MIPEP: variants seen among roughly 807,000 people sequenced by gnomAD.
The protein encoded by MIPEP is mitochondrial intermediate peptidase.
MIPEP carries 79 observed loss-of-function variants against 90.3 expected under a neutral mutation model. The ratio of observed to expected loss-of-function variants is 0.87; its 90% CI spans 0.73 to 1.05. The LOEUF (loss-of-function observed/expected upper bound fraction) is 1.05, where lower values mean the gene tolerates loss of function less well. Ranked by LOEUF, MIPEP falls within the 50% of genes least tolerant of loss-of-function variation. MIPEP has a pLI of 0.00. For synonymous variants in MIPEP, 334 were observed against 315.8 expected, an observed-to-expected ratio of 1.06 and a Z score of -0.61; for missense variants, 940 against 905.6, an observed-to-expected ratio of 1.04 and a Z score of -0.49.
chr13:23,849,900 C>T (rs9670422), intron 10 of MIPEP, among the ~76,000 whole-genome samples: 11,940 of 152,228 alleles, frequency 0.078, 1,540 homozygotes, highest in African/African-American at 0.27. Context: ...TTGGATATTA[C>T]GTCCAAACAC....
At chr13:23,879,631 C>G (rs544255621) in intron 3 of MIPEP, among the ~76,000 whole-genome samples, 41 of 152,106 alleles carry the variant, frequency 2.7e-4, no homozygotes, top group African/African-American at 8.9e-4. Flanking sequence ...CTTCTGGGCT[C>G]AAGTGATCCT....
intron 14 of MIPEP, among the ~76,000 whole-genome samples, chr13:23,821,933 A>C (rs970551748): frequency 1.3e-5 from 2 of 152,214 alleles, no homozygotes; most frequent in Non-Finnish European, 2.9e-5. Context: ...GTGGACACAG[A>C]AGGGCCAAAT....
chr13:23,834,764 A>G (rs911395228), intron 14 of MIPEP, among the ~76,000 whole-genome samples: 6 of 152,088 alleles, frequency 3.9e-5, no homozygotes, highest in Non-Finnish European at 7.4e-5. Context: ...ACAGGGCTCT[A>G]AGCACCTCAG....
chr13:23,873,252 C>G (rs529447005), intron 5 of MIPEP, among the ~76,000 whole-genome samples: 1 of 152,200 alleles, frequency 6.6e-6, no homozygotes, highest in African/African-American at 2.4e-5. Context: ...GGCTGACAGC[C>G]GGAGCACAGC....
chr13:23,863,291 T>C (rs1870390777), intron 8 of MIPEP, among the ~76,000 whole-genome samples: 2 of 152,150 alleles, frequency 1.3e-5, no homozygotes, highest in Admixed American at 6.5e-5. Flanking sequence ...GAAGGGCAAG[T>C]GTATGATCGA....
intron 10 of MIPEP, among the ~76,000 whole-genome samples, chr13:23,843,826 T>G (rs1015809558): frequency 6.6e-6 from 1 of 152,114 alleles, no homozygotes; most frequent in Non-Finnish European, 1.5e-5. Context: ...GTGTGAGTGA[T>G]TGGATTTGGA....
intron 10 of MIPEP, chr13:23,842,313 CATAAA>C (rs1170249821): frequency 6.6e-6 from 1 of 151,864 alleles, no homozygotes; most frequent in East Asian, 1.9e-4. Context: ...CACTTCGTTC[CATAAA>C]ATGAGTCCCC....
intron 12 of MIPEP, 94 bp downstream of exon 12, chr13:23,839,555 T>C (rs1869204416): frequency 1.4e-6 from 1 of 740,482 alleles, no homozygotes; most frequent in Admixed American, 3.0e-5. Flanking sequence ...AACTTTTAAA[T>C]GTCATGGAAT....
intron 14 of MIPEP, among the ~76,000 whole-genome samples, chr13:23,829,250 C>T (rs918670399): frequency 6.6e-6 from 1 of 152,060 alleles, no homozygotes; most frequent in African/African-American, 2.4e-5. Flanking sequence ...TATGGTGGCT[C>T]ACGCCTGTAA....
chr13:23,792,955 A>T (rs1952914665), intron 16 of MIPEP, among the ~76,000 whole-genome samples: 1 of 152,230 alleles, frequency 6.6e-6, no homozygotes, highest in Non-Finnish European at 1.5e-5. Context: ...GATTGATTAC[A>T]TCCTTTTAAT....
chr13:23,840,594 G>T (rs145043584), intron 11 of MIPEP, among the ~76,000 whole-genome samples: 2 of 152,138 alleles, frequency 1.3e-5, no homozygotes, highest in East Asian at 1.9e-4. Flanking sequence ...AGTGATGAAC[G>T]TCCTCCCACC....
intron 12 of MIPEP, among the ~76,000 whole-genome samples, chr13:23,838,638 G>A (rs550226712): frequency 6.6e-6 from 1 of 152,214 alleles, no homozygotes; most frequent in African/African-American, 2.4e-5. Context: ...ACTAGTCTTA[G>A]GATTATTAAA....
intron 16 of MIPEP, among the ~76,000 whole-genome samples, chr13:23,771,530 T>TACACACACACACACAC (rs3077653): frequency 1.4e-5 from 2 of 145,988 alleles, no homozygotes; most frequent in African/African-American, 2.5e-5. Flanking sequence ...ATTTGCTGAC[T>TACACACACACACACAC]ACACACACAC....
intron 9 of MIPEP, among the ~76,000 whole-genome samples, chr13:23,860,754 T>C (rs1331740612): frequency 2.6e-5 from 4 of 151,626 alleles, no homozygotes; most frequent in Admixed American, 2.6e-4. Context: ...ATGGCTAAAC[T>C]GTCTGAATCC....
chr13:23,872,784 T>C (rs546531629), intron 5 of MIPEP, among the ~76,000 whole-genome samples: 32 of 152,188 alleles, frequency 2.1e-4, no homozygotes, highest in African/African-American at 7.7e-4. Flanking sequence ...GAACATATAC[T>C]ATTTGTCAGC....
intron 7 of MIPEP, among the ~76,000 whole-genome samples, chr13:23,867,810 A>G (rs1409362519): frequency 6.6e-6 from 1 of 152,186 alleles, no homozygotes; most frequent in Admixed American, 6.5e-5. Flanking sequence ...ACATTTTAGC[A>G]ATATAACCTA....
At chr13:23,779,910 AG>A (rs1050430228) in intron 16 of MIPEP, among the ~76,000 whole-genome samples, 5 of 152,086 alleles carry the variant, frequency 3.3e-5, no homozygotes, top group African/African-American at 1.2e-4. Context: ...AGGCTGGGGG[AG>A]GGGCGCCCAC....
At chr13:23,789,179 A>G (rs1952876831) in intron 16 of MIPEP, among the ~76,000 whole-genome samples, 1 of 139,660 alleles carries the variant, frequency 7.2e-6, no homozygotes, top group South Asian at 2.7e-4. Context: ...TATGCAGCAA[A>G]ACGTAAACCA....
chr13:23,738,542 T>G (rs1455028052), intron 18 of MIPEP, among the ~76,000 whole-genome samples: 1 of 151,810 alleles, frequency 6.6e-6, no homozygotes, highest in African/African-American at 2.4e-5. Flanking sequence ...CTTGAATTTC[T>G]GGGCTCAAGT....
Sources: allele counts gnomAD v4.1 joint callset (sites outside exome capture counted in the v4.1 genomes callset), GRCh38; gene constraint gnomAD v4.1.1; transcripts MANE v1.5; gene names NCBI Gene and HGNC (gene_info 2026-07-23, HGNC 2026-07-21).